Variants in CHRNA5 observed in about 807,000 individuals in gnomAD.
CHRNA5 encodes the protein neuronal acetylcholine receptor subunit alpha-5.
CHRNA5 carries 28 observed loss-of-function variants against 41.2 expected under a neutral mutation model. The observed-to-expected ratio is 0.68, with a 90% confidence interval of 0.50 to 0.93. The LOEUF is 0.93. CHRNA5 is among the 40% of genes least tolerant of loss of function. CHRNA5 has a pLI of 0.00. For synonymous variants in CHRNA5, 188 were observed against 205.8 expected, an observed-to-expected ratio of 0.91 and a Z score of 0.74; for missense variants, 481 against 581.9, an observed-to-expected ratio of 0.83 and a Z score of 1.78.
chr15:78,578,642 T>G (rs1484759105), intron 1 of CHRNA5, among the ~76,000 whole-genome samples: 1 of 152,248 alleles, frequency 6.6e-6, no homozygotes, highest in Non-Finnish European at 1.5e-5. Flanking sequence ...CTAGAGTACC[T>G]GGATATTCTT....
chr15:78,582,087 C>T (rs543622589), intron 2 of CHRNA5, among the ~76,000 whole-genome samples: 1 of 152,262 alleles, frequency 6.6e-6, no homozygotes, highest in Non-Finnish European at 1.5e-5. Flanking sequence ...ATTGCTATGT[C>T]ATCTAATTGC....
intron 3 of CHRNA5, among the ~76,000 whole-genome samples, chr15:78,587,542 G>C (rs2052972380): frequency 6.6e-6 from 1 of 152,070 alleles, no homozygotes; most frequent in African/African-American, 2.4e-5. Flanking sequence ...GAGAACCATT[G>C]GGGAGAGGGG....
At chr15:78,594,058 C>CAACT (rs370468126) in exon 6 of CHRNA5, 46 of 152,120 alleles carry the variant, frequency 3.0e-4, no homozygotes, top group African/African-American at 1.1e-3. Context: ...ATAATAACAA[C>CAACT]AACTTAATGT....
chr15:78,592,039 G>A (rs1200082813), intron 5 of CHRNA5, among the ~76,000 whole-genome samples: 1 of 152,206 alleles, frequency 6.6e-6, no homozygotes, highest in African/African-American at 2.4e-5. Flanking sequence ...CAGAGGCAGA[G>A]GTGGCCAGGT....
chr15:78,592,659 C>T (rs2053029590), intron 5 of CHRNA5, among the ~76,000 whole-genome samples: 3 of 152,192 alleles, frequency 2.0e-5, no homozygotes, highest in Admixed American at 6.6e-5. Context: ...GGAAGATGAA[C>T]AGCTTTCTAA....
At chr15:78,575,452 G>C (rs2052848207) in intron 1 of CHRNA5, among the ~76,000 whole-genome samples, 1 of 152,006 alleles carries the variant, frequency 6.6e-6, no homozygotes, top group Non-Finnish European at 1.5e-5. Flanking sequence ...GAGATATGTG[G>C]TTTATATGCT....
intron 1 of CHRNA5, among the ~76,000 whole-genome samples, chr15:78,568,117 AT>A (rs2052766423): frequency 6.6e-6 from 1 of 152,116 alleles, no homozygotes; most frequent in African/African-American, 2.4e-5. Context: ...TTGTTTTCAT[AT>A]TCGTCTTAGG....
Position 78,580,643 on chromosome 15 carries a change from C to CT in CHRNA5, c.107-157dup, listed in dbSNP as rs200155640. On this transcript the variant is annotated intron_variant, in intron 1 of 5. Coordinates refer to ENST00000299565, the Ensembl canonical transcript of CHRNA5. ...ATTAATAATCTGAACTTTTTTTTTC[C>CT]TTTTTTTTTTTGAGACAGAGTCTCT... is the stretch of plus-strand genomic sequence containing the variant. Among the ~76,000 whole-genome samples the CT allele has an allele frequency of 0.011, 1,613 of 145,250 alleles. 136 individuals carry two copies. In the East Asian group the frequency reaches 0.24, roughly 22 times the overall value.
chr15:78,582,438 T>C (rs1007369503), intron 2 of CHRNA5, among the ~76,000 whole-genome samples: 2 of 151,294 alleles, frequency 1.3e-5, no homozygotes, highest in Non-Finnish European at 2.9e-5. Context: ...TGAGTTGAGA[T>C]TGCACCACTG....
At chr15:78,590,403 C>G (rs1436063972) in exon 5 of CHRNA5, 1 of 1,614,190 alleles carries the variant, frequency 6.2e-7, no homozygotes, top group Non-Finnish European at 8.5e-7. Flanking sequence ...TATCAACATT[C>G]ATCATCGTTC....
At chr15:78,567,368 G>A (rs1322499722) in intron 1 of CHRNA5, among the ~76,000 whole-genome samples, 2 of 152,086 alleles carry the variant, frequency 1.3e-5, no homozygotes, top group South Asian at 2.1e-4. Flanking sequence ...CCTGACACTC[G>A]AGAAAATGGT....
chr15:78,575,622 G>A (rs1167836323), intron 1 of CHRNA5, among the ~76,000 whole-genome samples: 1 of 152,134 alleles, frequency 6.6e-6, no homozygotes, highest in Non-Finnish European at 1.5e-5. Flanking sequence ...GGACTGTCTG[G>A]AGACAGTCTT....
intron 2 of CHRNA5, among the ~76,000 whole-genome samples, chr15:78,584,264 G>A (rs2141414824): frequency 6.6e-6 from 1 of 152,150 alleles, no homozygotes; most frequent in South Asian, 2.1e-4. Flanking sequence ...CACATATTCT[G>A]TCTTTTTTTT....
chr15:78,566,083 G>A (rs962928266), intron 1 of CHRNA5, among the ~76,000 whole-genome samples: 2 of 152,126 alleles, frequency 1.3e-5, no homozygotes, highest in Non-Finnish European at 2.9e-5. Context: ...CTGGCTTAGC[G>A]TATACTTCCA....
intron 1 of CHRNA5, among the ~76,000 whole-genome samples, chr15:78,575,380 AT>A (rs945531301): frequency 4.0e-5 from 6 of 151,204 alleles, no homozygotes; most frequent in East Asian, 1.9e-4. Flanking sequence ...ATCCCATTTA[AT>A]TTTTTTTTGT....
chr15:78,573,774 C>G (rs191126964), intron 1 of CHRNA5, among the ~76,000 whole-genome samples: 19 of 151,318 alleles, frequency 1.3e-4, no homozygotes, highest in Non-Finnish European at 2.2e-4. Flanking sequence ...GAGCAAAGCA[C>G]TATCAAATGT....
At chr15:78,574,840 G>A (rs2052842744) in intron 1 of CHRNA5, among the ~76,000 whole-genome samples, 1 of 152,042 alleles carries the variant, frequency 6.6e-6, no homozygotes, top group Admixed American at 6.6e-5. Context: ...GGGCATGGTG[G>A]CGAGTGCCTG....
intron 1 of CHRNA5, among the ~76,000 whole-genome samples, chr15:78,571,047 G>A (rs868185658): frequency 1.3e-5 from 2 of 152,172 alleles, no homozygotes; most frequent in Admixed American, 6.5e-5. Context: ...ATGTACACAG[G>A]AATTCCCTCA....
intron 2 of CHRNA5, among the ~76,000 whole-genome samples, chr15:78,582,241 T>A (rs1194504034): frequency 1.3e-5 from 2 of 152,068 alleles, no homozygotes; most frequent in Non-Finnish European, 2.9e-5. Flanking sequence ...ATCCCAGCAC[T>A]TTGGGAGGCC....
Sources: gnomAD v4.1 joint callset for allele counts (sites outside exome capture counted in the v4.1 genomes callset) on GRCh38, gnomAD v4.1.1 for gene constraint, MANE v1.5 for transcripts, NCBI Gene and HGNC (gene_info 2026-07-23, HGNC 2026-07-21) for gene names.